Variants in MED12L observed in about 807,000 individuals in gnomAD.
MED12L encodes the protein mediator of RNA polymerase II transcription subunit 12-like protein.
In MED12L, 60 loss-of-function variants were observed where a neutral mutation model predicts 281.3. The ratio of observed to expected loss-of-function variants is 0.21; its 90% CI spans 0.17 to 0.26. The LOEUF is 0.26. MED12L is among the 10% of genes least tolerant of loss of function. MED12L has a pLI of 1.00. For missense variants in MED12L, 2,146 were observed against 2,680.9 expected, an observed-to-expected ratio of 0.80 and a Z score of 4.41; for synonymous variants, 974 against 987.2, an observed-to-expected ratio of 0.99 and a Z score of 0.25.
chr3:151,281,939 C>T (rs1474296883), intron 16 of MED12L, among the ~76,000 whole-genome samples: 1 of 152,202 alleles, frequency 6.6e-6, no homozygotes, highest in Admixed American at 6.5e-5. Context: ...AGGCCGTCAT[C>T]GACTGCGCAT....
chr3:151,245,346 T>A (rs1264992090), intron 16 of MED12L, among the ~76,000 whole-genome samples: 3 of 151,900 alleles, frequency 2.0e-5, no homozygotes, highest in Non-Finnish European at 4.4e-5. Flanking sequence ...ATATCCTTGA[T>A]GAACATTGAT....
rs545949416 is a variant in MED12L, at chr3:151,281,456, G to C, written c.2251-68603G>C. Among the ~76,000 whole-genome samples the C allele has an allele frequency of 3.9e-5, 6 of 151,950 alleles. No homozygotes were observed. In the South Asian group the frequency reaches 1.2e-3, roughly 32 times the overall value. On this transcript the variant is annotated intron_variant, in intron 16 of 44. Coordinates refer to ENST00000687756, the MANE Select transcript of MED12L (RefSeq NM_001393769.1). ...AAAAGATATTTTATTATGACTTTTAGCAACGTAGGTAATGACTCTTTTCAA... is the reference window on the plus strand; with the variant it reads ...AAAAGATATTTTATTATGACTTTTACCAACGTAGGTAATGACTCTTTTCAA...
chr3:151,182,164 C>G (rs938841363), intron 11 of MED12L, among the ~76,000 whole-genome samples: 2 of 152,106 alleles, frequency 1.3e-5, no homozygotes, highest in Non-Finnish European at 2.9e-5. Flanking sequence ...TTAGAGCAAG[C>G]TGATTGAAAA....
intron 16 of MED12L, among the ~76,000 whole-genome samples, chr3:151,207,005 A>C (rs1442788126): frequency 4.0e-5 from 6 of 151,400 alleles, no homozygotes; most frequent in Non-Finnish European, 7.4e-5. Flanking sequence ...ACTTTCCAGG[A>C]GAATGTTCTT....
At chr3:151,198,083 G>T (rs758461084) in intron 16 of MED12L, 36 of 164,394 alleles carry the variant, frequency 2.2e-4, no homozygotes, top group Admixed American at 3.8e-4. Context: ...TTTTTATCAA[G>T]AAGTCAGTTC....
At chr3:151,382,785 T>C in intron 33 of MED12L, 40 bp downstream of exon 33, 2 of 1,514,538 alleles carry the variant, frequency 1.3e-6, no homozygotes, top group Non-Finnish European at 1.8e-6. Context: ...ATTAAACATA[T>C]TTACATGTGA....
chr3:151,295,971 T>C (rs2149698227), intron 16 of MED12L, among the ~76,000 whole-genome samples: 1 of 152,340 alleles, frequency 6.6e-6, no homozygotes, highest in East Asian at 1.9e-4. Context: ...AATATTTACA[T>C]GTCATCTAGT....
At chr3:151,398,954 CCT>C (rs1210384429) in intron 39 of MED12L, among the ~76,000 whole-genome samples, 1 of 151,978 alleles carries the variant, frequency 6.6e-6, no homozygotes, top group Admixed American at 6.6e-5. Context: ...TTTCAAAATC[CCT>C]TACTGTGCTG....
Position 151,214,382 on chromosome 3 carries a change from G to A in MED12L, c.2250+20716G>A, listed in dbSNP as rs1727783172. ...ACTGGTCACTCATAGGGCACTTATGGCCTCCAAGACATTTGCTGAGTAATA... is the reference window on the plus strand; with the variant it reads ...ACTGGTCACTCATAGGGCACTTATGACCTCCAAGACATTTGCTGAGTAATA... On this transcript the variant is annotated intron_variant, in intron 16 of 44. Transcript: ENST00000687756. The A allele has an allele frequency of 3.7e-6, 5 of 1,339,982 alleles. No individual in the cohort carries two copies. In the East Asian group the frequency reaches 1.1e-4, roughly 31 times the overall value. The allele number at this position is 1,339,982 out of a possible 1,614,324, so 83.0% of individuals were successfully genotyped here.
chr3:151,225,496 C>A (rs2149291804), intron 16 of MED12L, among the ~76,000 whole-genome samples: 1 of 152,310 alleles, frequency 6.6e-6, no homozygotes, highest in African/African-American at 2.4e-5. Flanking sequence ...CATTAATTTG[C>A]TCACGAGGCC....
At chr3:151,304,102 C>A (rs1746310372) in intron 16 of MED12L, among the ~76,000 whole-genome samples, 1 of 151,934 alleles carries the variant, frequency 6.6e-6, no homozygotes, top group South Asian at 2.1e-4. Flanking sequence ...GGGAGAGAAG[C>A]CTAATGACAG....
intron 16 of MED12L, among the ~76,000 whole-genome samples, chr3:151,262,084 T>A (rs1444481388): frequency 6.6e-6 from 1 of 152,226 alleles, no homozygotes; most frequent in Admixed American, 6.5e-5. Context: ...TTAAAACTAC[T>A]ATTTTTTAAT....
At chr3:151,093,122 A>C (rs575302840) in intron 2 of MED12L, among the ~76,000 whole-genome samples, 1 of 152,326 alleles carries the variant, frequency 6.6e-6, no homozygotes, top group South Asian at 2.1e-4. Context: ...CCTGGGCAAC[A>C]TAGTGAGACA....
intron 8 of MED12L, among the ~76,000 whole-genome samples, chr3:151,163,127 AT>A (rs577013922): frequency 6.6e-6 from 1 of 152,294 alleles, no homozygotes; most frequent in Non-Finnish European, 1.5e-5. Flanking sequence ...TACGCGGCTC[AT>A]AGTCCTCTTT....
At chr3:151,206,019 A>C (rs922390219) in intron 16 of MED12L, among the ~76,000 whole-genome samples, 2 of 151,952 alleles carry the variant, frequency 1.3e-5, no homozygotes, top group African/African-American at 2.4e-5. Context: ...ACTCCAGTTC[A>C]GCCCTCTCTC....
chr3:151,357,174 G>A, intron 19 of MED12L, 39 bp from the exon 20 acceptor site: 1 of 1,497,862 alleles, frequency 6.7e-7, no homozygotes, highest in Non-Finnish European at 9.0e-7. Flanking sequence ...TATTTGTTTT[G>A]GCACCTACAT....
At chr3:151,272,596 G>A (rs1278257633) in intron 16 of MED12L, among the ~76,000 whole-genome samples, 3 of 152,080 alleles carry the variant, frequency 2.0e-5, no homozygotes, top group African/African-American at 4.8e-5. Flanking sequence ...GTGCATACTC[G>A]GGAAAGGTTG....
intron 16 of MED12L, among the ~76,000 whole-genome samples, chr3:151,250,347 T>G (rs1399201493): frequency 6.6e-6 from 1 of 152,214 alleles, no homozygotes; most frequent in Non-Finnish European, 1.5e-5. Context: ...TACATTCACA[T>G]TGTTGTGTAA....
intron 3 of MED12L, among the ~76,000 whole-genome samples, chr3:151,118,849 G>A (rs894107460): frequency 6.6e-6 from 1 of 151,836 alleles, no homozygotes; most frequent in African/African-American, 2.4e-5. Context: ...CTCCACACCT[G>A]GCTAATTTTT....
Sources: allele counts gnomAD v4.1 joint callset (sites outside exome capture counted in the v4.1 genomes callset), GRCh38; gene constraint gnomAD v4.1.1; transcripts MANE v1.5; gene names NCBI Gene and HGNC (gene_info 2026-07-23, HGNC 2026-07-21).